Variants in FHIT observed in about 807,000 individuals in gnomAD.
The protein encoded by FHIT is bis(5'-adenosyl)-triphosphatase.
Under a neutral mutation model 17.9 loss-of-function variants are expected in FHIT, and 19 were observed. The ratio of observed to expected loss-of-function variants is 1.06; its 90% CI spans 0.74 to 1.56. The LOEUF (loss-of-function observed/expected upper bound fraction) is 1.56. FHIT is among the 40% of genes most tolerant of loss of function. The pLI, the probability that FHIT is intolerant of heterozygous loss-of-function variation, is 0.00. For synonymous variants in FHIT, 81 were observed against 69.7 expected (o/e 1.16, Z -0.81); for missense variants, 248 against 189.2 (o/e 1.31, Z -1.82).
At chr3:60,477,563 GCTA>G (rs1171147688) in intron 5 of FHIT, among the ~76,000 whole-genome samples, 10 of 152,140 alleles carry the variant, frequency 6.6e-5, no homozygotes, top group African/African-American at 1.9e-4. Flanking sequence ...TGAGAACAGT[GCTA>G]CTGTTAAAAA....
intron 4 of FHIT, among the ~76,000 whole-genome samples, chr3:60,570,855 G>GA (rs201652116): frequency 3.6e-4 from 53 of 147,954 alleles, no homozygotes; most frequent in African/African-American, 6.5e-4. Context: ...ACACAAAAAT[G>GA]AAAAAAAAAT....
intron 5 of FHIT, among the ~76,000 whole-genome samples, chr3:60,418,557 C>CTTT (rs11452248): frequency 9.5e-5 from 9 of 95,208 alleles, no homozygotes; most frequent in Admixed American, 3.7e-4. Flanking sequence ...TCCCTCCCAA[C>CTTT]TTTTTTTTTT....
At chr3:60,324,803 T>C (rs922755866) in intron 5 of FHIT, among the ~76,000 whole-genome samples, 1 of 152,212 alleles carries the variant, frequency 6.6e-6, no homozygotes. Flanking sequence ...CTTCTCATAT[T>C]ACTTGGCTGA....
At chr3:60,466,999 A>G (rs492308) in intron 5 of FHIT, among the ~76,000 whole-genome samples, 75,966 of 151,642 alleles carry the variant, frequency 0.5, 21,603 homozygotes, top group African/African-American at 0.77. Context: ...AAGCCATCAA[A>G]TCTAGCGCTT....
chr3:60,612,709 A>G (rs947974849), intron 4 of FHIT, among the ~76,000 whole-genome samples: 41 of 152,234 alleles, frequency 2.7e-4, no homozygotes, highest in Non-Finnish European at 4.4e-5. Flanking sequence ...TAACTCTGTA[A>G]AAGATCTATC....
intron 4 of FHIT, among the ~76,000 whole-genome samples, chr3:60,629,844 C>T (rs1199688810): frequency 6.6e-6 from 1 of 152,174 alleles, no homozygotes; most frequent in East Asian, 1.9e-4. Context: ...TTAAAGATGA[C>T]AATCCTAGAA....
rs1347772182 is a variant in FHIT at position 60,740,486 on chromosome 3, T to C, written c.-18+81433A>G. Among the ~76,000 whole-genome samples, 4 of 152,224 alleles carry C rather than the reference T, an allele frequency of 2.6e-5. No homozygotes were observed. The East Asian group carries it at 7.7e-4, about 29-fold the overall frequency. The stretch of plus-strand genomic sequence containing the variant: ...ATTGTAAGAACAATAGCTGTTAGCA[T>C]TGTTATATTGATATTGCTGCCTCTC... On this transcript the variant is annotated intron_variant, in intron 4 of 9. Coordinates refer to ENST00000492590, the MANE Select transcript of FHIT (RefSeq NM_002012.4).
intron 8 of FHIT, among the ~76,000 whole-genome samples, chr3:59,755,759 A>G (rs1178701943): frequency 1.3e-5 from 2 of 152,196 alleles, no homozygotes; most frequent in Non-Finnish European, 2.9e-5. Context: ...GGATTACAAA[A>G]TGGGAAGGCT....
intron 8 of FHIT, among the ~76,000 whole-genome samples, chr3:59,915,937 G>GAAAA (rs68033255): frequency 7.0e-6 from 1 of 142,326 alleles, no homozygotes; most frequent in Admixed American, 7.0e-5. Flanking sequence ...GTCTCTTAGG[G>GAAAA]AAAAAAAAAA....
chr3:59,992,053 A>C (rs1034954711), intron 7 of FHIT, among the ~76,000 whole-genome samples: 1 of 152,094 alleles, frequency 6.6e-6, no homozygotes, highest in African/African-American at 2.4e-5. Flanking sequence ...ATAAAAATGA[A>C]GTAAAACGAA....
At chr3:61,248,825 T>A (rs545673658) in intron 1 of FHIT, among the ~76,000 whole-genome samples, 13 of 152,196 alleles carry the variant, frequency 8.5e-5, no homozygotes, top group African/African-American at 3.1e-4. Flanking sequence ...TCCAGAAACC[T>A]GCCTTCTTGC....
At chr3:60,600,305 C>G (rs1180577854) in intron 4 of FHIT, among the ~76,000 whole-genome samples, 1 of 151,758 alleles carries the variant, frequency 6.6e-6, no homozygotes, top group African/African-American at 2.4e-5. Context: ...TACTTACAAA[C>G]AAGGAAGCCT....
intron 3 of FHIT, among the ~76,000 whole-genome samples, chr3:60,990,516 A>G (rs536974995): frequency 6.6e-6 from 1 of 152,328 alleles, no homozygotes; most frequent in African/African-American, 2.4e-5. Context: ...ATATGTGTTA[A>G]TTGTTATGAT....
At chr3:59,976,347 A>T (rs985909109) in intron 7 of FHIT, among the ~76,000 whole-genome samples, 2 of 152,166 alleles carry the variant, frequency 1.3e-5, no homozygotes, top group African/African-American at 4.8e-5. Context: ...ACAATCAGCA[A>T]CTATCATTCT....
chr3:60,166,388 T>A (rs1701177552), intron 5 of FHIT, among the ~76,000 whole-genome samples: 1 of 152,192 alleles, frequency 6.6e-6, no homozygotes, highest in South Asian at 2.1e-4. Flanking sequence ...ATACTCATCT[T>A]TGGCTGCTAT....
chr3:60,122,341 C>T (rs1705297081), intron 5 of FHIT, among the ~76,000 whole-genome samples: 1 of 152,090 alleles, frequency 6.6e-6, no homozygotes, highest in Non-Finnish European at 1.5e-5. Flanking sequence ...AAATGTAAAA[C>T]AAATTTGTGT....
chr3:59,902,236 A>G (rs1326655506), intron 8 of FHIT, among the ~76,000 whole-genome samples: 2 of 152,218 alleles, frequency 1.3e-5, no homozygotes, highest in Non-Finnish European at 2.9e-5. Context: ...AATGGAAATA[A>G]AAACCACAGT....
At chr3:61,135,171 G>A (rs1183536027) in intron 2 of FHIT, among the ~76,000 whole-genome samples, 2 of 152,206 alleles carry the variant, frequency 1.3e-5, no homozygotes. Flanking sequence ...TAATCATTCA[G>A]CCCAGGCTAG....
Position 60,263,340 on chromosome 3 carries a change from T to G in FHIT, c.104-249188A>C, listed in dbSNP as rs147647960. ...TAGCATGTGACTCAGTAATTCCACT[T>G]GTAGGTATGCATCCAAGAAAAATGC... On this transcript the variant is annotated intron_variant, in intron 5 of 9. Coordinates refer to ENST00000492590, the MANE Select transcript of FHIT (RefSeq NM_002012.4). Among the ~76,000 whole-genome samples, 848 of 152,092 alleles carry G rather than the reference T, an allele frequency of 5.6e-3. 7 individuals are homozygous for G. The highest frequency in any genetic ancestry group is 0.019 in the African/African-American group (782 of 41,548).
Sources: allele counts gnomAD v4.1 joint callset (sites outside exome capture counted in the v4.1 genomes callset), GRCh38; gene constraint gnomAD v4.1.1; transcripts MANE v1.5; gene names NCBI Gene and HGNC (gene_info 2026-07-23, HGNC 2026-07-21).